Variants in FILIP1L observed in about 807,000 individuals in gnomAD.
FILIP1L encodes the protein filamin A-interacting protein 1-like.
Under a neutral mutation model 96.6 loss-of-function variants are expected in FILIP1L, and 55 were observed. The observed-to-expected ratio is 0.57, with a 90% CI of 0.46 to 0.71. FILIP1L has a LOEUF of 0.71. Among genes scored for constraint, FILIP1L ranks in the 30% least tolerant of loss-of-function variants. The pLI is 0.00. For missense variants in FILIP1L, 1,304 were observed against 1,321.2 expected (o/e 0.99, Z 0.20); for synonymous variants, 467 against 473.9 (o/e 0.99, Z 0.19).
intron 1 of FILIP1L, among the ~76,000 whole-genome samples, chr3:99,990,662 C>G (rs1709484980): frequency 6.6e-6 from 1 of 151,756 alleles, no homozygotes; most frequent in South Asian, 2.1e-4. Context: ...GCATCAGTAT[C>G]ATTCCAAAGC....
intron 1 of FILIP1L, among the ~76,000 whole-genome samples, chr3:99,966,314 C>T (rs1192923118): frequency 6.6e-6 from 1 of 152,136 alleles, no homozygotes; most frequent in African/African-American, 2.4e-5. Flanking sequence ...CAGCCTCCAC[C>T]ACCAGTAGCC....
intron 1 of FILIP1L, among the ~76,000 whole-genome samples, chr3:100,027,600 C>T (rs971160852): frequency 6.6e-6 from 1 of 152,220 alleles, no homozygotes; most frequent in African/African-American, 2.4e-5. Context: ...TGCTCAACTT[C>T]GATACATGCT....
chr3:99,849,988 T>C lies in FILIP1L; in HGVS notation c.1688A>G (p.Glu563Gly). 1 of 1,612,128 alleles carries C rather than the reference T, an allele frequency of 6.2e-7. No individual in the cohort carries two copies. Among genetic ancestry groups the C allele is most frequent in the Non-Finnish European group, 8.5e-7 (1 of 1,179,620 alleles). ...CAATTTGTTTTTTAAATCATCTCTC[T>C]CCTTGGTTACGCTGTACATCTTTTC... Reference protein sequence around the residue: ...VEEKMYSVTKERDDLKNKLKA... With the variant: ...VEEKMYSVTKGRDDLKNKLKA... Residue 563 changes from glutamate to glycine, a missense_variant, in exon 5 of 6, where the codon GAG (glutamate) becomes GGG (glycine). Transcript: ENST00000477258.
At position 99,983,383 on chromosome 3, in the gene FILIP1L, TAAATAA is replaced by T. The variant is rs1369078473; in HGVS notation, c.-10-52359_-10-52354del. Reference sequence around the variant, plus strand: ...ACCCTGTCTCTACTTAAAAAATAAATAAATAAATATATATATATATATATATATATA... The same window carrying T: ...ACCCTGTCTCTACTTAAAAAATAAATATATATATATATATATATATATATA... On this transcript the variant is annotated intron_variant, in intron 1 of 5. Transcript: ENST00000477258. Among the ~76,000 whole-genome samples the T allele has an allele frequency of 5.1e-3, 154 of 30,042 alleles. 3 individuals are homozygous for T. The highest frequency in any genetic ancestry group is 0.012 in the East Asian group (14 of 1,176). The allele number at this position is 30,042 out of a possible 152,430, so 19.7% of individuals were successfully genotyped here.
intron 1 of FILIP1L, among the ~76,000 whole-genome samples, chr3:100,074,220 GC>G (rs898327840): frequency 1.3e-5 from 2 of 152,158 alleles, no homozygotes; most frequent in Non-Finnish European, 2.9e-5. Flanking sequence ...AAATCTGACA[GC>G]CCCCCTGGGC....
At chr3:99,944,605 T>G (rs2107680580) in intron 1 of FILIP1L, among the ~76,000 whole-genome samples, 1 of 152,342 alleles carries the variant, frequency 6.6e-6, no homozygotes, top group South Asian at 2.1e-4. Flanking sequence ...AACCGAAACC[T>G]AAAGAGGTTA....
chr3:100,075,785 G>A (rs1207795835), intron 1 of FILIP1L, among the ~76,000 whole-genome samples: 1 of 152,100 alleles, frequency 6.6e-6, no homozygotes, highest in Non-Finnish European at 1.5e-5. Context: ...CTGAAACCAG[G>A]ACCTATTGAT....
chr3:100,114,219 A>G lies in FILIP1L; in HGVS notation c.-177T>C, dbSNP rs2066535684. 2 of 151,956 alleles carry G rather than the reference A, an allele frequency of 1.3e-5. No homozygotes were observed. The highest frequency in any genetic ancestry group is 2.4e-5 in the African/African-American group (1 of 41,338). The allele number at this position is 151,956 out of a possible 1,614,324, so 9.4% of individuals were successfully genotyped here. On this transcript the variant is annotated 5_prime_UTR_variant, in exon 1 of 6. Coordinates refer to ENST00000477258, the MANE Select transcript of FILIP1L (RefSeq NM_001387850.1). ...GCTTGAAAGCCACCGAGAGTTTGCA[A>G]CCAGGGGCCAGTGATAGCTCTGCAA...
intron 1 of FILIP1L, among the ~76,000 whole-genome samples, chr3:100,053,905 TC>T (rs540646938): frequency 2.4e-4 from 36 of 152,348 alleles, no homozygotes; most frequent in South Asian, 4.1e-4. Context: ...CCTACTAGAA[TC>T]AAAGTAAATT....
intron 1 of FILIP1L, among the ~76,000 whole-genome samples, chr3:100,082,205 CAT>C (rs1306556200): frequency 6.6e-6 from 1 of 152,190 alleles, no homozygotes; most frequent in Non-Finnish European, 1.5e-5. Context: ...GCTAAAGAGT[CAT>C]ATATCATGAA....
At chr3:99,855,347 A>G (rs568789531) in intron 4 of FILIP1L, among the ~76,000 whole-genome samples, 2 of 152,292 alleles carry the variant, frequency 1.3e-5, no homozygotes, top group African/African-American at 4.8e-5. Context: ...TTTAGTTCCA[A>G]TTTGTGGTTT....
At chr3:99,935,452 G>A (rs1266021659) in intron 1 of FILIP1L, among the ~76,000 whole-genome samples, 1 of 152,192 alleles carries the variant, frequency 6.6e-6, no homozygotes, top group African/African-American at 2.4e-5. Context: ...CTTCAGGAGT[G>A]TAGGCTGGGA....
chr3:99,874,696 C>T (rs1042964575), intron 4 of FILIP1L, among the ~76,000 whole-genome samples: 2 of 152,136 alleles, frequency 1.3e-5, no homozygotes, highest in Non-Finnish European at 2.9e-5. Flanking sequence ...TTTTAAAAAC[C>T]ATCCAACAGA....
At chr3:99,955,817 C>G (rs1319193668) in intron 1 of FILIP1L, among the ~76,000 whole-genome samples, 1 of 152,170 alleles carries the variant, frequency 6.6e-6, no homozygotes, top group African/African-American at 2.4e-5. Context: ...ATGGCCTGTT[C>G]TCCATTTTCA....
At chr3:100,009,921 T>G (rs1181848433) in intron 1 of FILIP1L, among the ~76,000 whole-genome samples, 1 of 152,244 alleles carries the variant, frequency 6.6e-6, no homozygotes, top group Non-Finnish European at 1.5e-5. Flanking sequence ...TCTTTCACCA[T>G]TGCTTTTGCT....
intron 1 of FILIP1L, among the ~76,000 whole-genome samples, chr3:100,011,934 T>C (rs1472097742): frequency 6.6e-6 from 1 of 152,344 alleles, no homozygotes; most frequent in East Asian, 1.9e-4. Context: ...TTAGTCACAG[T>C]TATCTTGTTT....
At chr3:99,970,108 C>T (rs1211195040) in intron 1 of FILIP1L, among the ~76,000 whole-genome samples, 2 of 152,184 alleles carry the variant, frequency 1.3e-5, no homozygotes, top group East Asian at 3.8e-4. Flanking sequence ...ATAGTAATTT[C>T]ATATGGTTCA....
chr3:99,832,776 G>T (rs1450286744), intron 5 of FILIP1L, among the ~76,000 whole-genome samples: 2 of 145,508 alleles, frequency 1.4e-5, no homozygotes, highest in African/African-American at 2.5e-5. Context: ...CGAGGCGGAG[G>T]TTGCAGTGAG....
chr3:100,085,388 T>C (rs966411117), intron 1 of FILIP1L, among the ~76,000 whole-genome samples: 18 of 152,306 alleles, frequency 1.2e-4, no homozygotes, highest in African/African-American at 4.1e-4. Flanking sequence ...AATGACTGAC[T>C]TTTACTATAA....
Sources: allele counts gnomAD v4.1 joint callset (sites outside exome capture counted in the v4.1 genomes callset), GRCh38; gene constraint gnomAD v4.1.1; transcripts MANE v1.5; gene names NCBI Gene and HGNC (gene_info 2026-07-23, HGNC 2026-07-21).